HHIPL1: variants seen among roughly 807,000 people sequenced by gnomAD.
HHIPL1 encodes the protein HHIP like 1.
In HHIPL1, 43 loss-of-function variants were observed where a neutral mutation model predicts 61.8. The ratio of observed to expected loss-of-function variants is 0.70; its 90% CI spans 0.55 to 0.90. The LOEUF (loss-of-function observed/expected upper bound fraction) is 0.90. Among genes scored for constraint, HHIPL1 ranks in the 40% least tolerant of loss-of-function variants. The pLI is 0.00. For synonymous variants in HHIPL1, 482 were observed against 515.8 expected, an observed-to-expected ratio of 0.93 and a Z score of 0.89; for missense variants, 1,056 against 1,157.7, an observed-to-expected ratio of 0.91 and a Z score of 1.28.
At chr14:99,651,756 T>C (rs10137937) in intron 1 of HHIPL1, among the ~76,000 whole-genome samples, 148,709 of 152,284 alleles carry the variant, frequency 0.98, 72,710 homozygotes, top group Middle Eastern at 1. Flanking sequence ...AGAGCCAAGT[T>C]AGAGAGCACT....
chr14:99,632,380 C>T, the HHIPL1 span, among the ~76,000 whole-genome samples: 1 of 152,220 alleles, frequency 6.6e-6, no homozygotes, highest in African/African-American at 2.4e-5. Flanking sequence ...GTTCATTAGA[C>T]TGAACTGAAA....
intron 2 of HHIPL1, 132 bp from the exon 3 acceptor site, chr14:99,656,868 G>A (rs372072481): frequency 2.8e-4 from 1 of 3,526 alleles, no homozygotes; most frequent in Admixed American, 2.5e-3. Flanking sequence ...AGGAAGGAAG[G>A]AAGGAAGGAA....
the HHIPL1 span, among the ~76,000 whole-genome samples, chr14:99,609,784 C>T: frequency 2.0e-5 from 3 of 152,220 alleles, no homozygotes; most frequent in Admixed American, 6.5e-5. Flanking sequence ...TGCCTAGAAC[C>T]GCTGATGTTG....
the HHIPL1 span, among the ~76,000 whole-genome samples, chr14:99,605,334 C>T: frequency 6.7e-6 from 1 of 148,810 alleles, no homozygotes; most frequent in Non-Finnish European, 1.5e-5. Flanking sequence ...ATCCTCCGGT[C>T]CCCAAAGCGC....
chr14:99,641,962 C>T (rs1595140987), upstream of HHIPL1, among the ~76,000 whole-genome samples: 1 of 150,924 alleles, frequency 6.6e-6, no homozygotes, highest in Non-Finnish European at 1.5e-5. Context: ...TTCTTTGAGA[C>T]AGAGTCTCGC....
the HHIPL1 span, among the ~76,000 whole-genome samples, chr14:99,610,374 G>A: frequency 6.6e-6 from 1 of 152,122 alleles, no homozygotes; most frequent in Non-Finnish European, 1.5e-5. Context: ...CTGGTCACAG[G>A]TCCCAGCCTT....
chr14:99,678,940 C>G lies in HHIPL1; in HGVS notation c.*3314C>G, dbSNP rs902546617. The G allele has an allele frequency of 6.6e-6, 1 of 152,234 alleles. No homozygotes were observed. Among genetic ancestry groups the G allele is most frequent in the Non-Finnish European group, 1.5e-5 (1 of 68,036 alleles). 9.4% of individuals were successfully genotyped at this position (152,234 alleles called of 1,614,324 possible). On this transcript the variant is annotated 3_prime_UTR_variant, in exon 9 of 9. Coordinates refer to ENST00000330710, the MANE Select transcript of HHIPL1 (RefSeq NM_001127258.3). ...TTTCAAGAGGAACTTTTACTTTCTACAACAGCTGACCTCTGCTGAGCGCTT... is the reference window on the plus strand; with the variant it reads ...TTTCAAGAGGAACTTTTACTTTCTAGAACAGCTGACCTCTGCTGAGCGCTT...
At chr14:99,616,101 G>A in the HHIPL1 span, among the ~76,000 whole-genome samples, 5 of 152,208 alleles carry the variant, frequency 3.3e-5, no homozygotes, top group Admixed American at 2.6e-4. Flanking sequence ...CATACACCAC[G>A]GTGGGCCTGT....
intron 1 of HHIPL1, among the ~76,000 whole-genome samples, chr14:99,649,169 G>A (rs1194522405): frequency 1.3e-5 from 2 of 152,210 alleles, no homozygotes; most frequent in Admixed American, 6.5e-5. Flanking sequence ...CCACGAGGAA[G>A]CATCTGCTGT....
At chr14:99,628,581 C>CA in the HHIPL1 span, among the ~76,000 whole-genome samples, 9,091 of 53,232 alleles carry the variant, frequency 0.17, 519 homozygotes, top group African/African-American at 0.27. Context: ...AACTCCAACT[C>CA]AAAAAAAAAA....
At chr14:99,634,706 G>A in the HHIPL1 span, among the ~76,000 whole-genome samples, 2 of 152,180 alleles carry the variant, frequency 1.3e-5, no homozygotes, top group East Asian at 1.9e-4. Context: ...CTAGGGTCAC[G>A]CAGTAAGTTA....
chr14:99,643,199 C>T (rs1365080176), upstream of HHIPL1, among the ~76,000 whole-genome samples: 1 of 152,054 alleles, frequency 6.6e-6, no homozygotes, highest in Non-Finnish European at 1.5e-5. Context: ...GCCACCACGC[C>T]TGGCTAATTT....
chr14:99,650,581 C>A (rs1376473784), intron 1 of HHIPL1, among the ~76,000 whole-genome samples: 1 of 152,204 alleles, frequency 6.6e-6, no homozygotes, highest in African/African-American at 2.4e-5. Flanking sequence ...TAGAGCTGAG[C>A]AGACGTGGCT....
chr14:99,645,484 G>C (rs1403033997), intron 1 of HHIPL1, 22 bp downstream of exon 1: 1 of 1,262,532 alleles, frequency 7.9e-7, no homozygotes. Flanking sequence ...CGCGGCCACC[G>C]GGCGGGGCGG....
the HHIPL1 span, among the ~76,000 whole-genome samples, chr14:99,610,587 C>A: frequency 6.6e-6 from 1 of 152,238 alleles, no homozygotes; most frequent in East Asian, 1.9e-4. Context: ...TGACAAAACC[C>A]CCATCTCCAG....
the HHIPL1 span, among the ~76,000 whole-genome samples, chr14:99,622,438 G>A: frequency 6.6e-6 from 1 of 152,194 alleles, no homozygotes; most frequent in Non-Finnish European, 1.5e-5. Flanking sequence ...ACAGCATGAA[G>A]AGCTTGCTCC....
At chr14:99,611,372 C>T in the HHIPL1 span, among the ~76,000 whole-genome samples, 2 of 151,598 alleles carry the variant, frequency 1.3e-5, no homozygotes, top group South Asian at 4.2e-4. Flanking sequence ...CGGCTCACTG[C>T]AACCTCCACC....
rs999918518 is a variant in HHIPL1 at position 99,679,548 on chromosome 14, T to G, written c.*3922T>G. 1 of 152,270 alleles carries G rather than the reference T, an allele frequency of 6.6e-6. No homozygotes were observed. The highest frequency in any genetic ancestry group is 6.5e-5 in the Admixed American group (1 of 15,282). The allele number at this position is 152,270 out of a possible 1,614,324, so 9.4% of individuals were successfully genotyped here. A position where few individuals can be genotyped will look rare whatever the true frequency, so the allele number is the denominator to read the frequency against. ...GGTCACAACATCCCAGGCCCTAGAC[T>G]GAGCCTAGGGGTCACCATGTTGATA... On this transcript the variant is annotated 3_prime_UTR_variant, in exon 9 of 9. Coordinates refer to ENST00000330710, the MANE Select transcript of HHIPL1 (RefSeq NM_001127258.3).
the HHIPL1 span, among the ~76,000 whole-genome samples, chr14:99,609,471 G>A: frequency 2.0e-5 from 3 of 152,238 alleles, no homozygotes; most frequent in Admixed American, 2.0e-4. Flanking sequence ...CTTGCCCCTG[G>A]CAGACTGGGC....
Sources: gnomAD v4.1 joint callset for allele counts (sites outside exome capture counted in the v4.1 genomes callset) on GRCh38, gnomAD v4.1.1 for gene constraint, MANE v1.5 for transcripts, NCBI Gene and HGNC (gene_info 2026-07-23, HGNC 2026-07-21) for gene names.